The following TESPA1 variants were observed in gnomAD, a reference collection of about 807,000 sequenced individuals.
TESPA1 encodes thymocyte expressed, positive selection associated 1, also known as protein TESPA1.
TESPA1 carries 33 observed loss-of-function variants against 57.9 expected under a neutral mutation model. The ratio of observed to expected loss-of-function variants is 0.57; its 90% CI spans 0.43 to 0.76. TESPA1 has a LOEUF of 0.76. Ranked by LOEUF, TESPA1 falls within the 30% of genes least tolerant of loss-of-function variation. The probability of loss-of-function intolerance (pLI) is 0.00; values close to 1 mark genes in which losing one functional copy is unlikely to be tolerated. For missense variants in TESPA1, 618 were observed against 632.9 expected, an observed-to-expected ratio of 0.98 and a Z score of 0.25; for synonymous variants, 227 against 228.9, an observed-to-expected ratio of 0.99 and a Z score of 0.07.
intron 2 of TESPA1, chr12:54,973,744 G>A (rs1951992859): frequency 7.6e-7 from 1 of 1,308,842 alleles, no homozygotes; most frequent in African/African-American, 1.5e-5. Flanking sequence ...CAAGAACCTG[G>A]AAAGTGCCCA....
At chr12:54,984,441 A>C (rs1952424926) in intron 1 of TESPA1, 144 bp downstream of exon 1, 1 of 152,260 alleles carries the variant, frequency 6.6e-6, no homozygotes, top group South Asian at 2.1e-4. Flanking sequence ...GATGCTTTTA[A>C]GGTTGAAGTA....
chr12:54,967,636 G>C (rs920840681), intron 4 of TESPA1, among the ~76,000 whole-genome samples: 1 of 152,142 alleles, frequency 6.6e-6, no homozygotes, highest in Admixed American at 6.5e-5. Context: ...GACTGTTAGT[G>C]AGCCTGTGGG....
chr12:54,974,429 G>A lies in TESPA1; in HGVS notation c.134C>T (p.Pro45Leu). Residue 45 changes from proline (P) to leucine (L), a missense_variant, in exon 2 of 11, where the codon CCT becomes CTT. Around this residue, in one of 3 missense-constraint regions of TESPA1, gnomAD observed 199 missense variants for 184.0 expected, o/e 1.08. Transcript: ENST00000449076. Reference sequence around the variant, plus strand: ...TTGGAAAACGTCATCCAGGCTGGAAGGCTCAGGATCTGGGACATCCTGCAG... The same window carrying A: ...TTGGAAAACGTCATCCAGGCTGGAAAGCTCAGGATCTGGGACATCCTGCAG... ...AALQDVPDPE[P>L]SSLDDVFQEG... The A allele has an allele frequency of 1.2e-6, 2 of 1,609,706 alleles. No homozygotes were observed. Among genetic ancestry groups the A allele is most frequent in the Non-Finnish European group, 1.7e-6 (2 of 1,178,108 alleles).
Position 54,965,267 on chromosome 12 carries a change from T to C in TESPA1, c.446+786A>G, listed in dbSNP as rs145611668. ...CATAGGTAAACGTGTGCTAGGGTGG[T>C]TTGCTGCACCTATCAACCCATCACC... On this transcript the variant is annotated intron_variant, in intron 7 of 10. Coordinates refer to ENST00000449076, the MANE Select transcript of TESPA1 (RefSeq NM_001136030.3). 3.9e-3 allele frequency among the ~76,000 whole-genome samples: 601 copies of C among 152,260 alleles called. 8 individuals are homozygous for C. The highest frequency in any genetic ancestry group is 0.014 in the African/African-American group (568 of 41,534).
intron 8 of TESPA1, among the ~76,000 whole-genome samples, 166 bp from the exon 9 acceptor site, chr12:54,963,408 G>A (rs542236768): frequency 4.6e-5 from 7 of 152,076 alleles, no homozygotes; most frequent in Middle Eastern, 3.4e-3. Flanking sequence ...CTGGAATTTC[G>A]TAACTTCTTG....
intron 10 of TESPA1, among the ~76,000 whole-genome samples, chr12:54,953,619 G>A (rs1040559820): frequency 6.8e-6 from 1 of 147,954 alleles, no homozygotes; most frequent in Non-Finnish European, 1.5e-5. Flanking sequence ...CCGGGTTCAC[G>A]CCATTCTCCT....
At chr12:54,970,568 T>C (rs1286252769) in intron 3 of TESPA1, among the ~76,000 whole-genome samples, 2 of 152,212 alleles carry the variant, frequency 1.3e-5, no homozygotes, top group South Asian at 2.1e-4. Flanking sequence ...CCTGGAGCTA[T>C]TGATGCTTTC....
At chr12:54,970,174 G>A (rs1042967679) in intron 3 of TESPA1, among the ~76,000 whole-genome samples, 3 of 152,148 alleles carry the variant, frequency 2.0e-5, no homozygotes, top group Non-Finnish European at 4.4e-5. Flanking sequence ...TTGGGCTCAA[G>A]CAATCCTCCT....
chr12:54,968,148 C>A, intron 3 of TESPA1: 4 of 702,664 alleles, frequency 5.7e-6, no homozygotes, highest in Middle Eastern at 4.4e-4. Flanking sequence ...GACTAAAGGA[C>A]GAAAGTCAAC....
intron 3 of TESPA1, among the ~76,000 whole-genome samples, chr12:54,968,803 C>T (rs1951615345): frequency 6.6e-6 from 1 of 151,940 alleles, no homozygotes; most frequent in Non-Finnish European, 1.5e-5. Flanking sequence ...GGAAAAGGGT[C>T]AGTAACGTGA....
Position 54,963,106 on chromosome 12 carries a change from C to A in TESPA1, c.792G>T (p.Val264=), listed in dbSNP as rs1266711153. The change falls in exon 9 of 11, where the codon GTG becomes GTT. Residue 264 remains valine, a synonymous_variant. Coordinates refer to ENST00000449076, the MANE Select transcript of TESPA1 (RefSeq NM_001136030.3). The part of the protein sequence containing the change: ...MFWNCNHPTD[V]PSIRILSREP... The stretch of plus-strand genomic sequence containing the variant: ...CTCGGGACAGAATCCTGATGGATGG[C>A]ACATCAGTTGGATGGTTGCAATTCC... 3 of 1,613,724 alleles carry A rather than the reference C, an allele frequency of 1.9e-6. No individual in the cohort carries two copies. Among genetic ancestry groups the A allele is most frequent in the Non-Finnish European group, 2.5e-6 (3 of 1,179,872 alleles).
At chr12:54,982,892 C>G (rs1049614291) in intron 1 of TESPA1, among the ~76,000 whole-genome samples, 3 of 152,096 alleles carry the variant, frequency 2.0e-5, no homozygotes, top group African/African-American at 7.3e-5. Context: ...ACTTATTTGA[C>G]TGAACTCTTT....
At chr12:54,981,459 G>C (rs949001249) in intron 1 of TESPA1, among the ~76,000 whole-genome samples, 1 of 151,208 alleles carries the variant, frequency 6.6e-6, no homozygotes, top group Admixed American at 6.6e-5. Flanking sequence ...ATTAGGAGAT[G>C]TACCTAATGT....
intron 10 of TESPA1, among the ~76,000 whole-genome samples, chr12:54,957,674 C>T (rs183936553): frequency 1.2e-4 from 19 of 152,192 alleles, no homozygotes; most frequent in Admixed American, 6.5e-4. Flanking sequence ...CCAAAGACTG[C>T]GTCAGGAAAG....
At chr12:54,963,389 A>G in intron 8 of TESPA1, 147 bp from the exon 9 acceptor site, 2 of 864,964 alleles carry the variant, frequency 2.3e-6, no homozygotes, top group Non-Finnish European at 3.4e-6. Context: ...GATTTCTAAC[A>G]CTCTTTTTCT....
intron 10 of TESPA1, among the ~76,000 whole-genome samples, chr12:54,952,656 C>G (rs966300402): frequency 3.3e-5 from 5 of 152,148 alleles, no homozygotes; most frequent in African/African-American, 9.7e-5. Flanking sequence ...GTTAAATTCT[C>G]TCTCTGTATA....
intron 10 of TESPA1, among the ~76,000 whole-genome samples, chr12:54,960,558 T>C (rs1039355741): frequency 4.6e-5 from 7 of 152,220 alleles, no homozygotes; most frequent in African/African-American, 1.4e-4. Flanking sequence ...TGTTGGGATA[T>C]TGATTTCCAT....
intron 1 of TESPA1, among the ~76,000 whole-genome samples, chr12:54,978,840 C>A (rs768705813): frequency 2.6e-5 from 4 of 152,188 alleles, no homozygotes; most frequent in African/African-American, 9.7e-5. Context: ...CCCATGCCTG[C>A]GCCATATGCA....
chr12:54,965,909 TG>T, intron 7 of TESPA1, 143 bp downstream of exon 7: 1 of 726,032 alleles, frequency 1.4e-6, no homozygotes, highest in Non-Finnish European at 2.3e-6. Context: ...GAAACAAATA[TG>T]GTCACATTTT....
Sources: allele counts gnomAD v4.1 joint callset (sites outside exome capture counted in the v4.1 genomes callset), GRCh38; gene constraint gnomAD v4.1.1; regional missense constraint gnomAD v4.1.1; transcripts MANE v1.5; gene names NCBI Gene and HGNC (gene_info 2026-07-23, HGNC 2026-07-21).